TFPI: variants seen among roughly 807,000 people sequenced by gnomAD.
TFPI encodes tissue factor pathway inhibitor.
A neutral mutation model predicts 34.6 loss-of-function variants in TFPI; 15 were observed. That is an observed-to-expected ratio of 0.43 (90% CI 0.29 to 0.67). The LOEUF (loss-of-function observed/expected upper bound fraction) is 0.67. Among genes scored for constraint, TFPI ranks in the 30% least tolerant of loss-of-function variants. TFPI has a pLI of 0.15. For synonymous variants in TFPI, 105 were observed against 120.1 expected (o/e 0.87, Z 0.82); for missense variants, 301 against 364.0 (o/e 0.83, Z 1.41).
intron 6 of TFPI, among the ~76,000 whole-genome samples, chr2:187,483,200 A>G (rs1379447163): frequency 2.6e-5 from 4 of 151,340 alleles, no homozygotes; most frequent in South Asian, 2.1e-4. Context: ...CTCAAAGCCA[A>G]TCTGATTCTG....
chr2:187,503,462 TACACACACACACACACACAC>T (rs138349562), intron 2 of TFPI, among the ~76,000 whole-genome samples, 166 bp downstream of exon 2: 2 of 142,214 alleles, frequency 1.4e-5, no homozygotes, highest in African/African-American at 5.2e-5. Flanking sequence ...CATGTGCATG[TACACACACACACACACACAC>T]ACACACACAC....
Position 187,514,482 on chromosome 2 carries a change from T to G in TFPI, c.-2-10712A>C, listed in dbSNP as rs75709978. 11 of 152,366 alleles carry G rather than the reference T, an allele frequency of 7.2e-5. No homozygotes were observed. The East Asian group carries it at 1.9e-3, about 27-fold the overall frequency. 9.4% of individuals were successfully genotyped at this position (152,366 alleles called of 1,614,324 possible). A position where few individuals can be genotyped will look rare whatever the true frequency, so the allele number is the denominator to read the frequency against. Reference sequence around the variant, plus strand: ...CCTCGAGGGCCATCCCGCTTCCGTCTTCCAACACTAGGTTCACTTCGTGTC... The same window carrying G: ...CCTCGAGGGCCATCCCGCTTCCGTCGTCCAACACTAGGTTCACTTCGTGTC... On this transcript the variant is annotated intron_variant, in intron 1 of 7. Coordinates refer to ENST00000233156, the MANE Select transcript of TFPI (RefSeq NM_006287.6).
At chr2:187,482,530 A>G (rs1255476240) in intron 6 of TFPI, among the ~76,000 whole-genome samples, 2 of 152,044 alleles carry the variant, frequency 1.3e-5, no homozygotes, top group Admixed American at 6.6e-5. Context: ...TGCTCTACCT[A>G]TTGAATGTAA....
At chr2:187,484,073 G>T in intron 6 of TFPI, 51 bp downstream of exon 6, 1 of 1,457,910 alleles carries the variant, frequency 6.9e-7, no homozygotes, top group South Asian at 1.1e-5. Flanking sequence ...CCACTTCATT[G>T]TTAGCATGAT....
chr2:187,503,903 C>T (rs1686021584), intron 1 of TFPI, 133 bp from the exon 2 acceptor site: 1 of 885,230 alleles, frequency 1.1e-6, no homozygotes, highest in Non-Finnish European at 1.7e-6. Flanking sequence ...ATACATTTCT[C>T]TGTGCATACT....
intron 2 of TFPI, among the ~76,000 whole-genome samples, chr2:187,501,079 C>T (rs1158832828): frequency 6.6e-6 from 1 of 152,018 alleles, no homozygotes; most frequent in Non-Finnish European, 1.5e-5. Flanking sequence ...CGATAACTTT[C>T]CTGAGACTTG....
chr2:187,551,123 A>G lies in TFPI; in HGVS notation c.-3+3077T>C, dbSNP rs1313770643. 2.0e-5 allele frequency among the ~76,000 whole-genome samples: 3 copies of G among 152,150 alleles called. No homozygotes were observed. In the East Asian group the frequency reaches 5.8e-4, roughly 29 times the overall value. On this transcript the variant is annotated intron_variant, in intron 1 of 7. Transcript: ENST00000233156. The stretch of plus-strand genomic sequence containing the variant: ...ACTTTCACATTTCTGATGTTGAAAT[A>G]GCTTTCTTATGCCCTAATAAGCAAT...
chr2:187,537,008 C>G (rs551667939), intron 1 of TFPI, among the ~76,000 whole-genome samples: 2 of 152,198 alleles, frequency 1.3e-5, no homozygotes, highest in East Asian at 3.9e-4. Context: ...GAATAAAAGA[C>G]CTAGGAATAC....
intron 6 of TFPI, among the ~76,000 whole-genome samples, chr2:187,473,961 A>ATT (rs1382616505): frequency 6.6e-6 from 1 of 152,116 alleles, no homozygotes; most frequent in East Asian, 1.9e-4. Context: ...AGAGGGAAGG[A>ATT]AATAAATTGG....
At chr2:187,488,127 T>C (rs1693418621) in intron 4 of TFPI, among the ~76,000 whole-genome samples, 1 of 151,362 alleles carries the variant, frequency 6.6e-6, no homozygotes, top group African/African-American at 2.4e-5. Flanking sequence ...ATGCAACAAA[T>C]CATTTCAAAA....
intron 4 of TFPI, among the ~76,000 whole-genome samples, chr2:187,487,457 C>G (rs993220863): frequency 2.6e-5 from 4 of 151,374 alleles, no homozygotes; most frequent in Non-Finnish European, 5.9e-5. Flanking sequence ...ATTTTCAACT[C>G]TTTCCCACAT....
intron 2 of TFPI, among the ~76,000 whole-genome samples, chr2:187,497,335 T>A (rs1430965238): frequency 1.3e-5 from 2 of 152,042 alleles, no homozygotes; most frequent in Non-Finnish European, 2.9e-5. Context: ...TGAGTAGTAG[T>A]TGTAAGGCAA....
intron 1 of TFPI, among the ~76,000 whole-genome samples, chr2:187,511,365 T>C (rs1418689219): frequency 6.6e-6 from 1 of 152,214 alleles, no homozygotes; most frequent in Non-Finnish European, 1.5e-5. Context: ...CTGGCTTGGA[T>C]TTCTTGATAC....
At chr2:187,515,300 C>T (rs1047273044) in intron 1 of TFPI, 1 of 152,242 alleles carries the variant, frequency 6.6e-6, no homozygotes, top group Non-Finnish European at 1.5e-5. Context: ...ACTAGACTAA[C>T]TAGATACCAA....
rs546668938 is a variant in TFPI at position 187,480,622 on chromosome 2, G to A, written c.628+3502C>T. Among the ~76,000 whole-genome samples, 17 of 152,168 alleles carry A rather than the reference G, an allele frequency of 1.1e-4. No homozygotes were observed. In the Middle Eastern group the frequency reaches 0.01, roughly 91 times the overall value. ...AGTTGTGATGGCTTTCAGTTCTAGC[G>A]TTTATGCGCAAAATTGCACACATTT... On this transcript the variant is annotated intron_variant, in intron 6 of 7. Coordinates refer to ENST00000233156, the MANE Select transcript of TFPI (RefSeq NM_006287.6).
At chr2:187,519,162 C>T (rs2106199992) in intron 1 of TFPI, 1 of 152,320 alleles carries the variant, frequency 6.6e-6, no homozygotes, top group South Asian at 2.1e-4. Context: ...CAAACTCATT[C>T]TCCGTCCAGT....
chr2:187,523,675 G>T (rs75584969), intron 1 of TFPI, among the ~76,000 whole-genome samples: 1 of 151,016 alleles, frequency 6.6e-6, no homozygotes, highest in East Asian at 1.9e-4. Flanking sequence ...CCACAGAATA[G>T]TTGTAGTATC....
rs531081856 is a variant in TFPI at position 187,494,920 on chromosome 2, A to G, written c.319+1961T>C. ...GTATTTTTAGTAGGGACGGAGTTTC[A>G]CCATATTGGTGAGGCTGGTCTAAAA... On this transcript the variant is annotated intron_variant, in intron 3 of 7. Coordinates refer to ENST00000233156, the MANE Select transcript of TFPI (RefSeq NM_006287.6). Among the ~76,000 whole-genome samples the G allele has an allele frequency of 2.6e-4, 39 of 152,114 alleles. No homozygotes were observed. The South Asian group carries it at 7.7e-3, about 30-fold the overall frequency.
At chr2:187,479,255 C>G (rs1311633087) in intron 6 of TFPI, among the ~76,000 whole-genome samples, 2 of 151,728 alleles carry the variant, frequency 1.3e-5, no homozygotes, top group Non-Finnish European at 2.9e-5. Flanking sequence ...AAATTTTAGG[C>G]AAGTGGATGA....
Sources: allele counts gnomAD v4.1 joint callset (sites outside exome capture counted in the v4.1 genomes callset), GRCh38; gene constraint gnomAD v4.1.1; transcripts MANE v1.5; gene names NCBI Gene and HGNC (gene_info 2026-07-23, HGNC 2026-07-21).